MEGF10: variants seen among roughly 807,000 people sequenced by gnomAD.
The protein encoded by MEGF10 is multiple EGF like domains 10.
A neutral mutation model predicts 147.5 loss-of-function variants in MEGF10; 86 were observed. That is an observed-to-expected ratio of 0.58 (90% CI 0.49 to 0.70). The LOEUF (loss-of-function observed/expected upper bound fraction) is 0.70, where lower values mean the gene tolerates loss of function less well. Ranked by LOEUF, MEGF10 falls within the 30% of genes least tolerant of loss-of-function variation. The pLI, the probability that MEGF10 is intolerant of heterozygous loss-of-function variation, is 0.00. For missense variants in MEGF10, 1,329 were observed against 1,487.3 expected (o/e 0.89, Z 1.75); for synonymous variants, 478 against 525.5 (o/e 0.91, Z 1.24).
chr5:127,341,772 T>C (rs1761692826), intron 4 of MEGF10, among the ~76,000 whole-genome samples: 1 of 152,220 alleles, frequency 6.6e-6, no homozygotes, highest in African/African-American at 2.4e-5. Context: ...ATTATACTTC[T>C]GTAACATATT....
intron 4 of MEGF10, among the ~76,000 whole-genome samples, chr5:127,364,111 C>G (rs1762572808): frequency 6.6e-6 from 1 of 152,186 alleles, no homozygotes; most frequent in South Asian, 2.1e-4. Context: ...ATTGTTATAA[C>G]AGTTTTGTTG....
At chr5:127,380,323 T>C (rs557927554) in intron 5 of MEGF10, among the ~76,000 whole-genome samples, 1 of 152,210 alleles carries the variant, frequency 6.6e-6, no homozygotes, top group Admixed American at 6.5e-5. Flanking sequence ...CTTAGTTTGA[T>C]AGAGGAGCTG....
intron 6 of MEGF10, among the ~76,000 whole-genome samples, chr5:127,397,229 G>A (rs914790384): frequency 6.6e-6 from 1 of 152,170 alleles, no homozygotes; most frequent in Non-Finnish European, 1.5e-5. Flanking sequence ...AAGAGAAAAG[G>A]AGGAAGGTGT....
chr5:127,301,133 T>C (rs1434571582), intron 1 of MEGF10, among the ~76,000 whole-genome samples: 1 of 152,210 alleles, frequency 6.6e-6, no homozygotes, highest in African/African-American at 2.4e-5. Flanking sequence ...GGTGAAGTCT[T>C]TGGCTTATCT....
At chr5:127,327,145 T>C (rs983884073) in intron 1 of MEGF10, among the ~76,000 whole-genome samples, 6 of 152,218 alleles carry the variant, frequency 3.9e-5, no homozygotes, top group Admixed American at 3.9e-4. Context: ...GGGTTAACTC[T>C]GTGGGCTGTT....
In MEGF10 at chr5:127,410,619, CT is replaced by C; in HGVS notation, c.1130+19del. 6.3e-7 allele frequency: 1 copy of C among 1,578,466 alleles called. No homozygotes were observed. Among genetic ancestry groups the C allele is most frequent in the Non-Finnish European group, 8.6e-7 (1 of 1,164,690 alleles). ...ACTCATAGGTGAGTGTCAGCTTCCCCTGGAAGGACGTGTCCTGTGAAAGTTT... is the reference window on the plus strand; with the variant it reads ...ACTCATAGGTGAGTGTCAGCTTCCCCGGAAGGACGTGTCCTGTGAAAGTTT... On this transcript the variant is annotated intron_variant, in intron 9 of 24. Transcript: ENST00000503335.
At chr5:127,374,292 C>T (rs1020326747) in intron 5 of MEGF10, among the ~76,000 whole-genome samples, 6 of 152,232 alleles carry the variant, frequency 3.9e-5, no homozygotes, top group African/African-American at 9.6e-5. Flanking sequence ...TGGAAAAACT[C>T]CTTTTGCAAT....
chr5:127,422,623 G>GCCTC (rs1765056379), intron 12 of MEGF10, 47 bp from the exon 13 acceptor site: 8 of 1,483,886 alleles, frequency 5.4e-6, no homozygotes, highest in Non-Finnish European at 7.5e-6. Context: ...TCTGTTGTGG[G>GCCTC]ATTTCCCAGG....
intron 13 of MEGF10, chr5:127,424,327 T>C: frequency 4.2e-6 from 3 of 706,608 alleles, no homozygotes; most frequent in Non-Finnish European, 7.7e-6. Flanking sequence ...TAAATTGGTT[T>C]TTCTTTTTCA....
the MEGF10 span, among the ~76,000 whole-genome samples, chr5:127,284,264 A>G: frequency 0.015 from 2,314 of 152,174 alleles, 56 homozygotes; most frequent in African/African-American, 0.052. Flanking sequence ...CTAATCCTCT[A>G]TGTCCCTTGG....
chr5:127,286,938 A>C (rs1759047250), upstream of MEGF10, among the ~76,000 whole-genome samples: 1 of 151,980 alleles, frequency 6.6e-6, no homozygotes, highest in African/African-American at 2.4e-5. Context: ...AGTATATCAA[A>C]TATATAATAC....
intron 8 of MEGF10, among the ~76,000 whole-genome samples, chr5:127,404,188 G>T (rs1483787433): frequency 6.6e-6 from 1 of 151,552 alleles, no homozygotes. Flanking sequence ...AATCATTGTA[G>T]TTTTGATTTG....
chr5:127,286,674 A>G (rs1301225034), upstream of MEGF10, among the ~76,000 whole-genome samples: 1 of 151,944 alleles, frequency 6.6e-6, no homozygotes, highest in East Asian at 1.9e-4. Context: ...ATTAAAGAAA[A>G]AAGAAGAGAA....
intron 9 of MEGF10, among the ~76,000 whole-genome samples, chr5:127,411,802 A>C (rs1477069996): frequency 6.6e-6 from 1 of 152,240 alleles, no homozygotes; most frequent in Non-Finnish European, 1.5e-5. Flanking sequence ...TGGCAGGATT[A>C]GGGACAAGTC....
At chr5:127,385,967 G>T (rs993576107) in intron 5 of MEGF10, among the ~76,000 whole-genome samples, 1 of 152,146 alleles carries the variant, frequency 6.6e-6, no homozygotes, top group African/African-American at 2.4e-5. Flanking sequence ...AATCATCTGG[G>T]CATGGTAGCA....
chr5:127,248,648 T>C, the MEGF10 span, among the ~76,000 whole-genome samples: 2 of 151,678 alleles, frequency 1.3e-5, no homozygotes, highest in Non-Finnish European at 2.9e-5. Flanking sequence ...AACACAATGA[T>C]GGAAGATAAC....
chr5:127,293,979 T>C (rs1320753515), intron 1 of MEGF10, among the ~76,000 whole-genome samples: 1 of 152,240 alleles, frequency 6.6e-6, no homozygotes, highest in Admixed American at 6.5e-5. Flanking sequence ...GATCTTGATC[T>C]TGTTACTATC....
intron 5 of MEGF10, among the ~76,000 whole-genome samples, chr5:127,392,611 T>C (rs1763745850): frequency 6.6e-6 from 1 of 152,212 alleles, no homozygotes; most frequent in African/African-American, 2.4e-5. Flanking sequence ...AATTCCAGTC[T>C]AGCACCATGT....
intron 17 of MEGF10, among the ~76,000 whole-genome samples, chr5:127,440,282 A>C (rs1258921586): frequency 6.6e-6 from 1 of 152,264 alleles, no homozygotes; most frequent in East Asian, 1.9e-4. Flanking sequence ...TAACAGATAC[A>C]GTGGACAAGG....
Sources: allele counts gnomAD v4.1 joint callset (sites outside exome capture counted in the v4.1 genomes callset), GRCh38; gene constraint gnomAD v4.1.1; transcripts MANE v1.5; gene names NCBI Gene and HGNC (gene_info 2026-07-23, HGNC 2026-07-21).